The following LAMB4 variants were observed in gnomAD, a reference collection of about 807,000 sequenced individuals.
LAMB4 encodes laminin subunit beta-4.
A neutral mutation model predicts 199.2 loss-of-function variants in LAMB4; 196 were observed. The observed-to-expected ratio is 0.98, with a 90% confidence interval of 0.88 to 1.11. The LOEUF (loss-of-function observed/expected upper bound fraction) is 1.11. Among genes scored for constraint, LAMB4 ranks in the 50% least tolerant of loss-of-function variants. LAMB4 has a pLI of 0.00. For synonymous variants in LAMB4, 744 were observed against 770.6 expected (o/e 0.97, Z 0.57); for missense variants, 2,080 against 2,171.2 (o/e 0.96, Z 0.83).
At position 108,041,544 on chromosome 7, in the gene LAMB4, G is replaced by A. The variant is rs114337857; in HGVS notation, c.4471+2208C>T. Reference sequence around the variant, plus strand: ...GATAAAGAAAATGTTGTACATATACGCCATGGATACTATGCAGACATAAAA... The same window carrying A: ...GATAAAGAAAATGTTGTACATATACACCATGGATACTATGCAGACATAAAA... On this transcript the variant is annotated intron_variant, in intron 29 of 33. Coordinates refer to ENST00000388781, the MANE Select transcript of LAMB4 (RefSeq NM_007356.3). Among the ~76,000 whole-genome samples the A allele has an allele frequency of 8.7e-3, 1,324 of 152,186 alleles. 15 individuals are homozygous for A. Among genetic ancestry groups the A allele is most frequent in the African/African-American group, 0.03 (1,227 of 41,528 alleles).
chr7:108,084,055 C>T (rs1195050412), intron 14 of LAMB4, among the ~76,000 whole-genome samples: 2 of 152,200 alleles, frequency 1.3e-5, no homozygotes, highest in Non-Finnish European at 2.9e-5. Context: ...TTAGTGCTCC[C>T]ATACATGTGG....
intron 31 of LAMB4, among the ~76,000 whole-genome samples, chr7:108,033,628 C>T (rs1225826465): frequency 1.3e-5 from 2 of 151,908 alleles, no homozygotes; most frequent in South Asian, 2.1e-4. Flanking sequence ...CAGCTGGTCT[C>T]GAACTCCTCA....
At chr7:108,098,905 G>A (rs541745633) in intron 10 of LAMB4, among the ~76,000 whole-genome samples, 12 of 152,312 alleles carry the variant, frequency 7.9e-5, no homozygotes, top group Non-Finnish European at 1.3e-4. Context: ...TGATGAGAAC[G>A]TTTTGGAATT....
intron 5 of LAMB4, 109 bp from the exon 6 acceptor site, chr7:108,107,928 AT>A: frequency 1.2e-6 from 1 of 800,014 alleles, no homozygotes; most frequent in East Asian, 2.9e-5. Flanking sequence ...CTTTAGGTGT[AT>A]CTTTTTGTTG....
intron 11 of LAMB4, among the ~76,000 whole-genome samples, chr7:108,096,648 T>C (rs796257423): frequency 1.3e-5 from 2 of 151,604 alleles, no homozygotes; most frequent in Non-Finnish European, 2.9e-5. Flanking sequence ...AAAGCTGTTA[T>C]GGGCTGGGCA....
At chr7:108,026,643 C>T (rs1439372544) in intron 33 of LAMB4, 1 of 218,930 alleles carries the variant, frequency 4.6e-6, no homozygotes, top group Non-Finnish European at 9.3e-6. Flanking sequence ...AATACTTTAT[C>T]CAAAATTATG....
rs1360748370 is a variant in LAMB4, at chr7:108,100,801, T to A, written c.1181-2219A>T. ...CAATAAAAGTTATGTGTGTGCATGA[T>A]TACAGATTGTGGTAAAAACTGTGTG... On this transcript the variant is annotated intron_variant, in intron 10 of 33. Transcript: ENST00000388781. 5.3e-5 allele frequency among the ~76,000 whole-genome samples: 8 copies of A among 152,336 alleles called. No homozygotes were observed. The East Asian group carries it at 9.6e-4, about 18-fold the overall frequency.
In LAMB4 at chr7:108,095,249, T is replaced by C. The variant is rs1365112351; in HGVS notation, c.1449A>G (p.Gly483=). 13 of 1,613,634 alleles carry C rather than the reference T, an allele frequency of 8.1e-6. No homozygotes were observed. The highest frequency in any genetic ancestry group is 1.1e-5 in the Non-Finnish European group (13 of 1,179,630). The change falls in exon 12 of 34, where the codon GGA becomes GGG. Residue 483 remains glycine, a synonymous_variant. Coordinates refer to ENST00000388781, the MANE Select transcript of LAMB4 (RefSeq NM_007356.3). The stretch of plus-strand genomic sequence containing the variant: ...ATACAGTGCATTCTTCGCAGTGTGC[T>C]CCGGTGACATATGACAGGCACAAGC... ...GQCLCLSYVT[G]AHCEECTVGY...
intron 14 of LAMB4, 54 bp from the exon 15 acceptor site, chr7:108,079,840 G>T: frequency 1.4e-6 from 2 of 1,406,448 alleles, no homozygotes; most frequent in Non-Finnish European, 1.9e-6. Flanking sequence ...GCCTGAAAGA[G>T]TTCAAGAAAA....
Position 108,065,804 on chromosome 7 carries a change from A to G in LAMB4, c.2794T>C (p.Trp932Arg). 6.2e-7 allele frequency: 1 copy of G among 1,614,110 alleles called. No homozygotes were observed. Among genetic ancestry groups the G allele is most frequent in the Non-Finnish European group, 8.5e-7 (1 of 1,179,938 alleles). The change falls in exon 21 of 34, where the codon TGG (tryptophan) becomes CGG (arginine). Residue 932 changes from tryptophan (W) to arginine (R), a missense_variant. By Grantham distance (101) the Trp-to-Arg change is moderately radical (BLOSUM62 -3). Transcript: ENST00000388781. ...CAATTGCAGATTACATCTGAGCTCC[A>G]CAGATTCTGATAACAGGAATGGGCA... ...YFAHSCYQNLWSSDVICNCLQ... is the reference protein window; with the variant it reads ...YFAHSCYQNLRSSDVICNCLQ...
chr7:108,063,705 A>G (rs2036241717), intron 22 of LAMB4, 56 bp downstream of exon 22: 1 of 1,449,474 alleles, frequency 6.9e-7, no homozygotes, highest in Admixed American at 1.7e-5. Context: ...CTGACAACAC[A>G]CTTATGAGCT....
At chr7:108,052,758 AG>A (rs1402311283) in intron 25 of LAMB4, among the ~76,000 whole-genome samples, 1 of 152,182 alleles carries the variant, frequency 6.6e-6, no homozygotes, top group Admixed American at 6.5e-5. Context: ...CATTAGTGAC[AG>A]GGAGGTTTTC....
rs2035001046 is a variant in LAMB4, at chr7:108,030,849, A to G, written c.4949T>C (p.Val1650Ala). The change falls in exon 32 of 34, where the codon GTT (valine) becomes GCT (alanine). Residue 1650 changes from valine to alanine, a missense_variant. By Grantham distance (64) the Val-to-Ala change is moderately conservative. Transcript: ENST00000388781. ...RHQDHAVNAKVQAESAQHQAG... is the reference protein window; with the variant it reads ...RHQDHAVNAKAQAESAQHQAG... ...CTGGTGTTGGGCAGATTCAGCCTGA[A>G]CTTTCGCATTGACAGCGTGGTCTTG... is the stretch of plus-strand genomic sequence containing the variant. The G allele has an allele frequency of 1.9e-6, 3 of 1,614,042 alleles. No homozygotes were observed. In the African/African-American group the frequency reaches 4.0e-5, roughly 22 times the overall value.
intron 23 of LAMB4, among the ~76,000 whole-genome samples, chr7:108,059,763 T>C (rs936223205): frequency 1.3e-5 from 2 of 151,840 alleles, no homozygotes; most frequent in Admixed American, 6.6e-5. Context: ...ACAAGAGCTG[T>C]GCCAAGTTAT....
At chr7:108,055,188 T>G (rs901077657) in intron 25 of LAMB4, among the ~76,000 whole-genome samples, 1 of 94,188 alleles carries the variant, frequency 1.1e-5, no homozygotes, top group Non-Finnish European at 1.7e-5. Context: ...TTTCCAGCTG[T>G]TTTTTTTTTT....
At chr7:108,070,920 A>G (rs2036511554) in intron 17 of LAMB4, among the ~76,000 whole-genome samples, 1 of 152,166 alleles carries the variant, frequency 6.6e-6, no homozygotes, top group African/African-American at 2.4e-5. Context: ...CCCCAGCAAA[A>G]GGCCTGGAGC....
intron 28 of LAMB4, 51 bp downstream of exon 28, chr7:108,047,857 C>G: frequency 2.7e-6 from 4 of 1,477,172 alleles, no homozygotes; most frequent in Non-Finnish European, 2.8e-6. Context: ...TTTAAGCAGT[C>G]TGCTTCTTTA....
intron 15 of LAMB4, among the ~76,000 whole-genome samples, chr7:108,079,254 C>T (rs1220782922): frequency 1.3e-5 from 2 of 152,144 alleles, no homozygotes; most frequent in African/African-American, 4.8e-5. Flanking sequence ...TGAATGTCTG[C>T]ACATGTGTTG....
At chr7:108,034,805 G>A (rs2035166421) in intron 30 of LAMB4, among the ~76,000 whole-genome samples, 1 of 152,072 alleles carries the variant, frequency 6.6e-6, no homozygotes, top group Non-Finnish European at 1.5e-5. Context: ...AGTTAGCTAA[G>A]CTTCACTGAC....
Sources: allele counts gnomAD v4.1 joint callset (sites outside exome capture counted in the v4.1 genomes callset), GRCh38; gene constraint gnomAD v4.1.1; transcripts MANE v1.5; gene names NCBI Gene and HGNC (gene_info 2026-07-23, HGNC 2026-07-21).